DR1: variants seen among roughly 807,000 people sequenced by gnomAD.
DR1 encodes protein Dr1.
DR1 carries 7 observed loss-of-function variants against 19.9 expected under a neutral mutation model. The ratio of observed to expected loss-of-function variants is 0.35; its 90% CI spans 0.20 to 0.66. The LOEUF (loss-of-function observed/expected upper bound fraction) is 0.66. Among genes scored for constraint, DR1 ranks in the 30% least tolerant of loss-of-function variants. The probability of loss-of-function intolerance (pLI) is 0.66; values close to 1 mark genes in which losing one functional copy is unlikely to be tolerated. For missense variants in DR1, 98 were observed against 203.7 expected (o/e 0.48, Z 3.16); for synonymous variants, 76 against 72.5 (o/e 1.05, Z -0.24).
In DR1 at chr1:93,368,417, A is replaced by G. The variant is rs955624165; in HGVS notation, c.*7778A>G. On this transcript the variant is annotated 3_prime_UTR_variant, in exon 3 of 3. Transcript: ENST00000370272. ...TTTTTAATGTGAATCAGAGATTTTT[A>G]TTAGGAATTGGGAGTGGAAGGAGAG... 1 of 152,312 alleles carries G rather than the reference A, an allele frequency of 6.6e-6. No homozygotes were observed. The highest frequency in any genetic ancestry group is 2.4e-5 in the African/African-American group (1 of 41,564). The allele number at this position is 152,312 out of a possible 1,614,324, so 9.4% of individuals were successfully genotyped here.
At chr1:93,349,285 C>T (rs1014904809) in intron 1 of DR1, among the ~76,000 whole-genome samples, 53 of 151,872 alleles carry the variant, frequency 3.5e-4, no homozygotes, top group East Asian at 5.8e-4. Context: ...TTCTGTTTTG[C>T]TTATTTTGAG....
At chr1:93,348,370 T>C (rs933537314) in intron 1 of DR1, among the ~76,000 whole-genome samples, 3 of 152,160 alleles carry the variant, frequency 2.0e-5, no homozygotes, top group Non-Finnish European at 2.9e-5. Context: ...ATAATTTCTT[T>C]TTACAACTCT....
rs2101643030 is a variant in DR1, at chr1:93,365,809, T to G, written c.*5170T>G. The G allele has an allele frequency of 6.6e-6, 1 of 152,342 alleles. No individual in the cohort carries two copies. Among genetic ancestry groups the G allele is most frequent in the South Asian group, 2.1e-4 (1 of 4,828 alleles). The allele number at this position is 152,342 out of a possible 1,614,324, so 9.4% of individuals were successfully genotyped here. On this transcript the variant is annotated 3_prime_UTR_variant, in exon 3 of 3. Coordinates refer to ENST00000370272, the MANE Select transcript of DR1 (RefSeq NM_001938.3). Reference sequence around the variant, plus strand: ...TAGGACCTAGAGCAGCCATTATAAATCTCTGTACCTGCTTGCTGCTTTTCT... The same window carrying G: ...TAGGACCTAGAGCAGCCATTATAAAGCTCTGTACCTGCTTGCTGCTTTTCT...
In DR1 at chr1:93,346,658, T is replaced by C; in HGVS notation, c.13T>C (p.Ser5Pro). Residue 5 changes from serine (S) to proline (P), a missense_variant, in exon 1 of 3, where the codon TCT becomes CCT. By Grantham distance (74) the Ser-to-Pro change is moderately conservative (BLOSUM62 -1). Transcript: ENST00000370272. ...ACAGGAAGGTACTATGGCTTCCTCG[T>C]CTGGCAACGATGATGATCTCACTAT... is the stretch of plus-strand genomic sequence containing the variant. MASS[S>P]GNDDDLTIPR... is the part of the protein sequence containing the mutation. The C allele has an allele frequency of 1.2e-6, 2 of 1,613,958 alleles. No homozygotes were observed. Among genetic ancestry groups the C allele is most frequent in the Non-Finnish European group, 1.7e-6 (2 of 1,179,990 alleles).
intron 2 of DR1, among the ~76,000 whole-genome samples, chr1:93,356,714 ACTCTT>A (rs1447707919): frequency 7.2e-6 from 1 of 139,708 alleles, no homozygotes; most frequent in East Asian, 2.1e-4. Flanking sequence ...TTTCTTATGA[ACTCTT>A]ACAATTTTTT....
At chr1:93,355,621 A>G (rs1469183335) in intron 2 of DR1, 1 of 152,270 alleles carries the variant, frequency 6.6e-6, no homozygotes, top group Non-Finnish European at 1.5e-5. Context: ...CAAAATATAA[A>G]GAAATAATTG....
At chr1:93,360,385 A>C (rs1325429880) in intron 2 of DR1, 108 bp from the exon 3 acceptor site, 2 of 1,006,490 alleles carry the variant, frequency 2.0e-6, no homozygotes, top group Non-Finnish European at 2.8e-6. Flanking sequence ...ACAGTATCCA[A>C]GTATGATAAT....
In DR1 at chr1:93,360,507, AG is replaced by A; in HGVS notation, c.400del (p.Ala134GlnfsTer71). The A allele has an allele frequency of 6.3e-7, 1 of 1,582,558 alleles. No individual in the cohort carries two copies. Among genetic ancestry groups the A allele is most frequent in the Non-Finnish European group, 8.5e-7 (1 of 1,170,716 alleles). On this transcript the variant is annotated frameshift_variant, in exon 3 of 3. Coordinates refer to ENST00000370272, the MANE Select transcript of DR1 (RefSeq NM_001938.3). LOFTEE classifies it high-confidence loss of function. ...TGGGTGTTTAGGCTAGACAGCAACA[AG>A]CAGAATTGGCCCAACAGGAATGGCT... ...ELFAKARQQQ[A>X]ELAQQEWLQM...
In DR1 at chr1:93,361,606, CTTA is replaced by C. The variant is rs1312218858; in HGVS notation, c.*970_*972del. 3.9e-5 allele frequency: 6 copies of C among 152,528 alleles called. No homozygotes were observed. Among genetic ancestry groups the C allele is most frequent in the Admixed American group, 2.0e-4 (3 of 15,288 alleles). The allele number at this position is 152,528 out of a possible 1,614,324, so 9.4% of individuals were successfully genotyped here. A position where few individuals can be genotyped will look rare whatever the true frequency, so the allele number is the denominator to read the frequency against. On this transcript the variant is annotated 3_prime_UTR_variant, in exon 3 of 3. Transcript: ENST00000370272. Reference sequence around the variant, plus strand: ...TAATTTAACTTGTAGTTATAGTTTACTTATTGTTTTTAGAATTACTTTTACATT... The same window carrying C: ...TAATTTAACTTGTAGTTATAGTTTACTTGTTTTTAGAATTACTTTTACATT...
intron 2 of DR1, 132 bp downstream of exon 2, chr1:93,354,203 G>A: frequency 1.2e-6 from 1 of 817,874 alleles, no homozygotes; most frequent in East Asian, 2.8e-5. Flanking sequence ...CTGGTGTTCA[G>A]AGCTGACCAA....
chr1:93,362,819 GTTTTTTCTT>G lies in DR1; in HGVS notation c.*2187_*2195del, dbSNP rs1667072015. 1.6e-5 allele frequency: 1 copy of G among 64,182 alleles called. No homozygotes were observed. The highest frequency in any genetic ancestry group is 3.1e-5 in the Non-Finnish European group (1 of 31,944). The allele number at this position is 64,182 out of a possible 1,614,324, so 4.0% of individuals were successfully genotyped here. On this transcript the variant is annotated 3_prime_UTR_variant, in exon 3 of 3. Transcript: ENST00000370272. ...TACTTATGCAATATTTTATTTTTAG[GTTTTTTCTT>G]TTTTTTTTTTTTTTTTTTTTTTTTT...
chr1:93,354,986 G>C (rs1666961682), intron 2 of DR1: 1 of 151,940 alleles, frequency 6.6e-6, no homozygotes, highest in Non-Finnish European at 1.5e-5. Flanking sequence ...ACCTATCATA[G>C]GCACTAAAGA....
In DR1 at chr1:93,364,219, A is replaced by G. The variant is rs184392165; in HGVS notation, c.*3580A>G. On this transcript the variant is annotated 3_prime_UTR_variant, in exon 3 of 3. Transcript: ENST00000370272. ...GCAGCAGGTATGTTGTTAATTTCAT[A>G]TAACAGGAAAATAAGAGCAAAAGTA... 3 of 152,354 alleles carry G rather than the reference A, an allele frequency of 2.0e-5. No homozygotes were observed. Among genetic ancestry groups the G allele is most frequent in the Admixed American group, 6.5e-5 (1 of 15,310 alleles). 9.4% of individuals were successfully genotyped at this position (152,354 alleles called of 1,614,324 possible).
intron 2 of DR1, 143 bp from the exon 3 acceptor site, chr1:93,360,350 T>A: frequency 1.5e-6 from 1 of 669,068 alleles, no homozygotes; most frequent in Non-Finnish European, 2.3e-6. Flanking sequence ...GTTCTCCAGA[T>A]GTGTGACAAT....
At position 93,360,866 on chromosome 1, in the gene DR1, T is replaced by C. The variant is rs1354339812; in HGVS notation, c.*227T>C. On this transcript the variant is annotated 3_prime_UTR_variant, in exon 3 of 3. Transcript: ENST00000370272. Reference sequence around the variant, plus strand: ...TCAGTATAATATCAATTTTGAATTTTTAATGGTGTTTATGAAATTTTAGAT... The same window carrying C: ...TCAGTATAATATCAATTTTGAATTTCTAATGGTGTTTATGAAATTTTAGAT... 1 of 443,656 alleles carries C rather than the reference T, an allele frequency of 2.3e-6. No homozygotes were observed. The highest frequency in any genetic ancestry group is 3.9e-6 in the Non-Finnish European group (1 of 258,234). The allele number at this position is 443,656 out of a possible 1,614,324, so 27.5% of individuals were successfully genotyped here.
Position 93,368,141 on chromosome 1 carries a change from G to A in DR1, c.*7502G>A, listed in dbSNP as rs550121440. 6.6e-6 allele frequency: 1 copy of A among 152,242 alleles called. No individual in the cohort carries two copies. Among genetic ancestry groups the A allele is most frequent in the South Asian group, 2.1e-4 (1 of 4,814 alleles). 9.4% of individuals were successfully genotyped at this position (152,242 alleles called of 1,614,324 possible). On this transcript the variant is annotated 3_prime_UTR_variant, in exon 3 of 3. Transcript: ENST00000370272. ...TCATTTGTTTATTTCCTCTGTGAGG[G>A]TAAGTATTGATAGTCCAGTCATAGA...
rs576756806 is a variant in DR1 at position 93,368,579 on chromosome 1, C to T, written c.*7940C>T. The T allele has an allele frequency of 4.7e-4, 71 of 152,242 alleles. No individual in the cohort carries two copies. The highest frequency in any genetic ancestry group is 1.7e-3 in the African/African-American group (69 of 41,532). 9.4% of individuals were successfully genotyped at this position (152,242 alleles called of 1,614,324 possible). A position where few individuals can be genotyped will look rare whatever the true frequency, so the allele number is the denominator to read the frequency against. The stretch of plus-strand genomic sequence containing the variant: ...CTGATTATGCAAATACCTTCTAATA[C>T]GTTTGTTTCTTTTGTTGTGCCTATA... On this transcript the variant is annotated 3_prime_UTR_variant, in exon 3 of 3. Transcript: ENST00000370272.
At chr1:93,350,778 C>T (rs1666905341) in intron 1 of DR1, among the ~76,000 whole-genome samples, 1 of 151,990 alleles carries the variant, frequency 6.6e-6, no homozygotes, top group Non-Finnish European at 1.5e-5. Context: ...CATAGGGTGA[C>T]AGATAGTGAT....
Position 93,363,562 on chromosome 1 carries a change from C to G in DR1, c.*2923C>G, listed in dbSNP as rs1303201473. 1.3e-5 allele frequency: 2 copies of G among 152,174 alleles called. No homozygotes were observed. The highest frequency in any genetic ancestry group is 3.9e-4 in the East Asian group (2 of 5,190). The allele number at this position is 152,174 out of a possible 1,614,324, so 9.4% of individuals were successfully genotyped here. On this transcript the variant is annotated 3_prime_UTR_variant, in exon 3 of 3. Coordinates refer to ENST00000370272, the MANE Select transcript of DR1 (RefSeq NM_001938.3). ...CTTGTGACCCCTTCCTCTCTATGAT[C>G]AAAGCTTGCTTTTGTCATTATATCA...
Sources: gnomAD v4.1 joint callset for allele counts (sites outside exome capture counted in the v4.1 genomes callset) on GRCh38, gnomAD v4.1.1 for gene constraint, MANE v1.5 for transcripts, NCBI Gene and HGNC (gene_info 2026-07-23, HGNC 2026-07-21) for gene names.